ADGRL2: variants seen among roughly 807,000 people sequenced by gnomAD.
The protein encoded by ADGRL2 is adhesion G protein-coupled receptor L2.
In ADGRL2, 44 loss-of-function variants were observed where a neutral mutation model predicts 157.4. The observed-to-expected ratio is 0.28, with a 90% CI of 0.22 to 0.36. The LOEUF is 0.36. ADGRL2 is among the 10% of genes least tolerant of loss of function. ADGRL2 has a pLI of 1.00. For missense variants in ADGRL2, 1,510 were observed against 1,768.9 expected, an observed-to-expected ratio of 0.85 and a Z score of 2.63; for synonymous variants, 585 against 624.7, an observed-to-expected ratio of 0.94 and a Z score of 0.95.
rs1490647312 is a variant in ADGRL2 at position 81,839,736 on chromosome 1, T to G, written c.73+2679T>G. Among the ~76,000 whole-genome samples, 3 of 147,904 alleles carry G rather than the reference T, an allele frequency of 2.0e-5. No individual in the cohort carries two copies. In the East Asian group the frequency reaches 6.0e-4, roughly 29 times the overall value. On this transcript the variant is annotated intron_variant, in intron 2 of 23. Transcript: ENST00000686636. ...CATTCCTTTTTATGGCTGAGTAGTA[T>G]TCCATCATATATATATATGTATTTT...
At chr1:81,584,769 T>A (rs2080989917) in intron 3 of ADGRL2, among the ~76,000 whole-genome samples, 1 of 152,140 alleles carries the variant, frequency 6.6e-6, no homozygotes, top group African/African-American at 2.4e-5. Flanking sequence ...AGCTTCAGGT[T>A]AAACATGGAT....
chr1:81,363,383 G>C (rs905905367), intron 1 of ADGRL2, among the ~76,000 whole-genome samples: 1 of 151,892 alleles, frequency 6.6e-6, no homozygotes, highest in Non-Finnish European at 1.5e-5. Flanking sequence ...CTTCTCTAGA[G>C]GTGTCTATAC....
chr1:81,572,922 G>A (rs931912029), intron 2 of ADGRL2, among the ~76,000 whole-genome samples: 9 of 150,534 alleles, frequency 6.0e-5, no homozygotes, highest in Admixed American at 1.3e-4. Flanking sequence ...CTAGTAGGGC[G>A]TGAATGTTTA....
At chr1:81,345,345 G>A (rs1662403517) in intron 1 of ADGRL2, among the ~76,000 whole-genome samples, 1 of 152,112 alleles carries the variant, frequency 6.6e-6, no homozygotes, top group Non-Finnish European at 1.5e-5. Context: ...GTGATACATT[G>A]CCATTGCATC....
At chr1:81,601,103 AG>A (rs1186174960) in intron 3 of ADGRL2, among the ~76,000 whole-genome samples, 6 of 152,222 alleles carry the variant, frequency 3.9e-5, no homozygotes, top group African/African-American at 1.4e-4. Flanking sequence ...CGCAGTGCAG[AG>A]CTGAGCAGGA....
chr1:81,545,595 G>A (rs530744425), intron 2 of ADGRL2, among the ~76,000 whole-genome samples: 8 of 152,124 alleles, frequency 5.3e-5, no homozygotes, highest in Admixed American at 5.2e-4. Context: ...GACTTCTAAT[G>A]AGCATCTAAG....
At position 81,589,365 on chromosome 1, in the gene ADGRL2, C is replaced by G. The variant is rs138603031; in HGVS notation, c.-143+8385C>G. On this transcript the variant is annotated intron_variant, in intron 3 of 24. Coordinates refer to the ADGRL2 transcript ENST00000370721. ...GACCAAGCTGGAGAACTCACATAACCCTGGGACAAGATCATGACTCTTGTT... is the reference window on the plus strand; with the variant it reads ...GACCAAGCTGGAGAACTCACATAACGCTGGGACAAGATCATGACTCTTGTT... 1.1e-3 allele frequency among the ~76,000 whole-genome samples: 171 copies of G among 152,236 alleles called. 1 individual carries two copies. The highest frequency in any genetic ancestry group is 3.9e-3 in the African/African-American group (162 of 41,548).
At chr1:81,864,902 C>G (rs2093492678) in intron 2 of ADGRL2, among the ~76,000 whole-genome samples, 1 of 152,160 alleles carries the variant, frequency 6.6e-6, no homozygotes, top group Admixed American at 6.5e-5. Flanking sequence ...AGGAGAATCC[C>G]TTGCGCCTGT....
chr1:81,581,472 T>C (rs2080905596), intron 3 of ADGRL2, among the ~76,000 whole-genome samples: 1 of 152,310 alleles, frequency 6.6e-6, no homozygotes, highest in Admixed American at 6.5e-5. Context: ...GGACTTAAAG[T>C]AATGTGGATA....
At chr1:81,572,586 C>T (rs2080717934) in intron 2 of ADGRL2, among the ~76,000 whole-genome samples, 1 of 152,130 alleles carries the variant, frequency 6.6e-6, no homozygotes, top group Non-Finnish European at 1.5e-5. Flanking sequence ...ACCTACTGTG[C>T]ATTTCAGCTA....
intron 2 of ADGRL2, among the ~76,000 whole-genome samples, chr1:81,888,594 G>T (rs572169403): frequency 2.0e-5 from 3 of 151,858 alleles, no homozygotes; most frequent in Non-Finnish European, 2.9e-5. Context: ...GCCCGCCACC[G>T]CGCCCGGCTA....
In ADGRL2 at chr1:81,905,947, A is replaced by AGAGT. The variant is rs150803524; in HGVS notation, c.74-1069_74-1068insAGTG. Among the ~76,000 whole-genome samples the AGAGT allele has an allele frequency of 4.7e-3, 679 of 144,582 alleles. 8 individuals are homozygous for AGAGT. The highest frequency in any genetic ancestry group is 0.016 in the African/African-American group (647 of 39,336). 94.9% of individuals were successfully genotyped at this position (144,582 alleles called of 152,430 possible). ...GGTCAGGAGATGGAGAAAAAAGCAGAGTGTGTGTGTGTGTGTGTGTGTGTG... is the reference window on the plus strand; with the variant it reads ...GGTCAGGAGATGGAGAAAAAAGCAGAGAGTGTGTGTGTGTGTGTGTGTGTGTGTG... On this transcript the variant is annotated intron_variant, in intron 2 of 23. Transcript: ENST00000686636.
At chr1:81,404,337 G>T (rs372675567) in intron 1 of ADGRL2, among the ~76,000 whole-genome samples, 1 of 152,294 alleles carries the variant, frequency 6.6e-6, no homozygotes, top group East Asian at 1.9e-4. Context: ...AAAATTAAAT[G>T]AGAATATTTT....
rs546540535 is a variant in ADGRL2, at chr1:81,464,729, C to T, written c.-248+19640C>T. On this transcript the variant is annotated intron_variant, in intron 2 of 24. Coordinates refer to the ADGRL2 transcript ENST00000370721. ...TTGTATAGCTCTAAGTTTTAAAAGC[C>T]GCTCTTTTTCCTTTTGACAGGACTG... Among the ~76,000 whole-genome samples, 21 of 152,228 alleles carry T rather than the reference C, an allele frequency of 1.4e-4. No homozygotes were observed. The South Asian group carries it at 1.9e-3, about 14-fold the overall frequency.
intron 3 of ADGRL2, among the ~76,000 whole-genome samples, chr1:81,914,968 C>G (rs1434435164): frequency 1.3e-5 from 2 of 152,098 alleles, no homozygotes; most frequent in Non-Finnish European, 2.9e-5. Flanking sequence ...ATTTAGTGTG[C>G]AAGAAAGACT....
upstream of ADGRL2, among the ~76,000 whole-genome samples, chr1:81,800,675 GAAATA>G (rs530901850): frequency 1.7e-3 from 252 of 152,164 alleles, 1 homozygote; most frequent in South Asian, 0.027. Context: ...ACCCACTCCA[GAAATA>G]AAATAAATGT....
intron 1 of ADGRL2, among the ~76,000 whole-genome samples, chr1:81,810,028 C>A (rs1040569014): frequency 2.6e-5 from 4 of 151,792 alleles, no homozygotes; most frequent in African/African-American, 9.7e-5. Context: ...CAATTACTGT[C>A]AAAAATGGCA....
chr1:81,405,629 G>GCC (rs1553162016), intron 1 of ADGRL2, among the ~76,000 whole-genome samples: 2 of 67,610 alleles, frequency 3.0e-5, no homozygotes, highest in African/African-American at 1.3e-4. Flanking sequence ...CAGCCTGAAT[G>GCC]ACAAAAAAAA....
intron 2 of ADGRL2, among the ~76,000 whole-genome samples, chr1:81,532,681 G>A (rs1025585535): frequency 4.6e-5 from 7 of 151,154 alleles, no homozygotes; most frequent in African/African-American, 1.5e-4. Context: ...TTGAGAGGCC[G>A]AGGCAAGAGG....
Sources: gnomAD v4.1 joint callset for allele counts (sites outside exome capture counted in the v4.1 genomes callset) on GRCh38, gnomAD v4.1.1 for gene constraint, MANE v1.5 for transcripts, NCBI Gene and HGNC (gene_info 2026-07-23, HGNC 2026-07-21) for gene names.